Variants in TCERG1L observed in about 807,000 individuals in gnomAD.
TCERG1L encodes the protein transcription elongation regulator 1-like protein.
TCERG1L carries 37 observed loss-of-function variants against 56.3 expected under a neutral mutation model. The ratio of observed to expected loss-of-function variants is 0.66; its 90% CI spans 0.51 to 0.87. The LOEUF (loss-of-function observed/expected upper bound fraction) is 0.87, where lower values mean the gene tolerates loss of function less well. Among genes scored for constraint, TCERG1L ranks in the 40% least tolerant of loss-of-function variants. TCERG1L has a pLI of 0.00. For missense variants in TCERG1L, 799 were observed against 774.2 expected, an observed-to-expected ratio of 1.03 and a Z score of -0.38; for synonymous variants, 324 against 326.3, an observed-to-expected ratio of 0.99 and a Z score of 0.08.
chr10:131,281,645 T>C (rs889044344), intron 3 of TCERG1L, among the ~76,000 whole-genome samples: 1 of 152,116 alleles, frequency 6.6e-6, no homozygotes, highest in African/African-American at 2.4e-5. Flanking sequence ...CTAGAGAGAA[T>C]GCAACTGAAC....
At chr10:131,303,158 G>A (rs976348048) in intron 3 of TCERG1L, among the ~76,000 whole-genome samples, 1 of 151,990 alleles carries the variant, frequency 6.6e-6, no homozygotes, top group Non-Finnish European at 1.5e-5. Context: ...TGAGATTGCT[G>A]GTTCAAATGT....
chr10:131,194,732 A>AT (rs1231876402), intron 4 of TCERG1L, among the ~76,000 whole-genome samples: 2 of 152,172 alleles, frequency 1.3e-5, no homozygotes. Flanking sequence ...TGTGTATTTC[A>AT]CCAGGCGGCT....
intron 4 of TCERG1L, among the ~76,000 whole-genome samples, chr10:131,254,345 TTTTTA>T (rs1846147155): frequency 7.0e-6 from 1 of 143,884 alleles, no homozygotes. Flanking sequence ...TATTTATTTA[TTTTTA>T]TTTACTTATT....
At chr10:131,279,078 G>C (rs1846425676) in intron 3 of TCERG1L, among the ~76,000 whole-genome samples, 1 of 152,180 alleles carries the variant, frequency 6.6e-6, no homozygotes, top group African/African-American at 2.4e-5. Context: ...CCTGAGCCTA[G>C]TCCAGCCTCA....
intron 3 of TCERG1L, among the ~76,000 whole-genome samples, chr10:131,305,448 C>T (rs889236668): frequency 2.6e-5 from 4 of 151,944 alleles, no homozygotes; most frequent in East Asian, 1.9e-4. Flanking sequence ...AGGGGTGGTC[C>T]GGTATTAGTC....
intron 4 of TCERG1L, among the ~76,000 whole-genome samples, chr10:131,189,309 A>G (rs1845281026): frequency 6.6e-6 from 1 of 152,144 alleles, no homozygotes; most frequent in South Asian, 2.1e-4. Flanking sequence ...CCATTACATA[A>G]CTTCCAATTA....
intron 10 of TCERG1L, among the ~76,000 whole-genome samples, chr10:131,100,594 C>T (rs1845295253): frequency 6.6e-6 from 1 of 152,146 alleles, no homozygotes; most frequent in East Asian, 1.9e-4. Flanking sequence ...CGCAAAAAAA[C>T]AAAACACTAT....
At chr10:131,162,570 A>T (rs1845989734) in intron 6 of TCERG1L, 2 of 152,210 alleles carry the variant, frequency 1.3e-5, no homozygotes. Flanking sequence ...TGTGTACTGC[A>T]CTCTCATCTT....
intron 4 of TCERG1L, among the ~76,000 whole-genome samples, chr10:131,246,862 G>A (rs115998356): frequency 0.033 from 5,090 of 152,220 alleles, 303 homozygotes; most frequent in African/African-American, 0.12. Flanking sequence ...CACACTCAGC[G>A]GACAGGACTC....
chr10:131,308,134 T>C lies in TCERG1L; in HGVS notation c.670+77A>G, dbSNP rs561853806. ...AATTGTTTCATTAAAATGATGAGTA[T>C]GGTTTTCATATCTAAAACTAATTTA... On this transcript the variant is annotated intron_variant, in intron 3 of 11. Transcript: ENST00000368642. The C allele has an allele frequency of 6.1e-6, 8 of 1,307,094 alleles. No homozygotes were observed. The South Asian group carries it at 1.0e-4, about 17-fold the overall frequency. 81.0% of individuals were successfully genotyped at this position (1,307,094 alleles called of 1,614,324 possible).
At chr10:131,230,970 T>A (rs1317230097) in intron 4 of TCERG1L, among the ~76,000 whole-genome samples, 3 of 134,526 alleles carry the variant, frequency 2.2e-5, no homozygotes, top group African/African-American at 1.1e-4. Context: ...ACACATGCCC[T>A]GAGCACCCTT....
At position 131,093,298 on chromosome 10, in the gene TCERG1L, G is replaced by A; in HGVS notation, c.1625C>T (p.Ala542Val). 1 of 1,613,692 alleles carries A rather than the reference G, an allele frequency of 6.2e-7. No homozygotes were observed. Among genetic ancestry groups the A allele is most frequent in the Non-Finnish European group, 8.5e-7 (1 of 1,179,774 alleles). Residue 542 changes from alanine to valine, a missense_variant, in exon 12 of 12, where the codon GCA (alanine) becomes GTA (valine). By Grantham distance (64) the Ala-to-Val change is moderately conservative (BLOSUM62 0). Coordinates refer to ENST00000368642, the MANE Select transcript of TCERG1L (RefSeq NM_174937.4). The stretch of plus-strand genomic sequence containing the variant: ...CCTCTGATCCCGGCCGTATTTCTCT[G>A]CAAACTCCTTAAACGTGGTCCTGAA... ...VSPRTTFKEF[A>V]EKYGRDQRFR...
At chr10:131,204,766 T>TC (rs1188111189) in intron 4 of TCERG1L, among the ~76,000 whole-genome samples, 2 of 152,208 alleles carry the variant, frequency 1.3e-5, no homozygotes, top group Admixed American at 6.5e-5. Flanking sequence ...AGTGGACTTG[T>TC]CCCTCAGCCC....
intron 4 of TCERG1L, among the ~76,000 whole-genome samples, chr10:131,181,192 GC>G (rs1392768808): frequency 1.4e-5 from 2 of 146,216 alleles, no homozygotes; most frequent in African/African-American, 5.1e-5. Flanking sequence ...TGGAGCCAAG[GC>G]CTGGAGCCTG....
At chr10:131,233,962 T>C (rs11599772) in intron 4 of TCERG1L, among the ~76,000 whole-genome samples, 9,153 of 152,274 alleles carry the variant, frequency 0.06, 353 homozygotes, top group Middle Eastern at 0.15. Context: ...TGTTATAAAG[T>C]CAGGATGCCT....
At chr10:131,226,895 A>C (rs1213686302) in intron 4 of TCERG1L, among the ~76,000 whole-genome samples, 1 of 149,104 alleles carries the variant, frequency 6.7e-6, no homozygotes, top group Non-Finnish European at 1.5e-5. Flanking sequence ...AAAAACACAG[A>C]AGCAGAAAGA....
At chr10:131,123,608 G>A (rs1352734652) in intron 8 of TCERG1L, among the ~76,000 whole-genome samples, 1 of 152,090 alleles carries the variant, frequency 6.6e-6, no homozygotes, top group African/African-American at 2.4e-5. Context: ...TCACTCCCAG[G>A]GACATGGGAG....
chr10:131,243,677 G>T (rs528408711), intron 4 of TCERG1L, among the ~76,000 whole-genome samples: 7 of 152,352 alleles, frequency 4.6e-5, no homozygotes, highest in African/African-American at 1.7e-4. Flanking sequence ...CCTGATGTGA[G>T]AGGCACGTGA....
At chr10:131,213,274 C>T (rs1351421143) in intron 4 of TCERG1L, among the ~76,000 whole-genome samples, 1 of 152,220 alleles carries the variant, frequency 6.6e-6, no homozygotes. Context: ...GGCCCAGACT[C>T]ATCAGAACCC....
Sources: gnomAD v4.1 joint callset for allele counts (sites outside exome capture counted in the v4.1 genomes callset) on GRCh38, gnomAD v4.1.1 for gene constraint, MANE v1.5 for transcripts, NCBI Gene and HGNC (gene_info 2026-07-23, HGNC 2026-07-21) for gene names.